The following GUCY1A2 variants were observed in gnomAD, a reference collection of about 807,000 sequenced individuals.
The protein encoded by GUCY1A2 is guanylate cyclase 1 soluble subunit alpha 2, also known as guanylate cyclase soluble subunit alpha-2.
A neutral mutation model predicts 63.5 loss-of-function variants in GUCY1A2; 27 were observed. That is an observed-to-expected ratio of 0.43 (90% CI 0.31 to 0.59). The LOEUF is 0.59. Among genes scored for constraint, GUCY1A2 ranks in the 20% least tolerant of loss-of-function variants. GUCY1A2 has a pLI of 0.11. For missense variants in GUCY1A2, 768 were observed against 913.3 expected, an observed-to-expected ratio of 0.84 and a Z score of 2.05; for synonymous variants, 364 against 343.5, an observed-to-expected ratio of 1.06 and a Z score of -0.66.
chr11:106,931,936 T>C (rs917188003), intron 4 of GUCY1A2, among the ~76,000 whole-genome samples: 2 of 152,132 alleles, frequency 1.3e-5, no homozygotes, highest in Non-Finnish European at 2.9e-5. Flanking sequence ...TAAAAATTAT[T>C]GCACTGTATA....
intron 4 of GUCY1A2, among the ~76,000 whole-genome samples, chr11:106,900,395 G>A (rs754746780): frequency 6.6e-6 from 1 of 152,052 alleles, no homozygotes; most frequent in East Asian, 1.9e-4. Flanking sequence ...CTTTGCCCAC[G>A]CTGGTCTCAA....
At chr11:106,769,435 T>G (rs1346522028) in intron 6 of GUCY1A2, among the ~76,000 whole-genome samples, 1 of 152,048 alleles carries the variant, frequency 6.6e-6, no homozygotes. Flanking sequence ...AGTTGGAAAA[T>G]AGATCTAAGG....
rs151338502 is a variant in GUCY1A2, at chr11:106,979,036, A to G, written c.366-296T>C. Among the ~76,000 whole-genome samples the G allele has an allele frequency of 1.7e-3, 260 of 152,346 alleles. 1 individual carries two copies. The highest frequency in any genetic ancestry group is 5.9e-3 in the African/African-American group (245 of 41,580). On this transcript the variant is annotated intron_variant, in intron 2 of 7. Coordinates refer to ENST00000526355, the MANE Select transcript of GUCY1A2 (RefSeq NM_000855.3). ...TGTATCACTCTGAGAGCACTTCATC[A>G]AGGCTAGTGATCTGTTTCTATAAGG...
At chr11:106,857,162 A>G (rs1859448051) in intron 4 of GUCY1A2, among the ~76,000 whole-genome samples, 1 of 152,202 alleles carries the variant, frequency 6.6e-6, no homozygotes, top group African/African-American at 2.4e-5. Context: ...TGTATGGCTT[A>G]AACAGCATTT....
intron 1 of GUCY1A2, among the ~76,000 whole-genome samples, chr11:107,016,748 G>A (rs1861829017): frequency 1.3e-5 from 2 of 152,032 alleles, no homozygotes; most frequent in African/African-American, 2.4e-5. Flanking sequence ...GAGAGAGAAA[G>A]CACTAGAGAA....
chr11:106,789,446 C>G (rs1229722671), intron 5 of GUCY1A2, among the ~76,000 whole-genome samples: 1 of 152,180 alleles, frequency 6.6e-6, no homozygotes, highest in Non-Finnish European at 1.5e-5. Flanking sequence ...AGTTCTCTGT[C>G]TGAAAGGTCA....
At chr11:106,989,589 G>A (rs1861445229) in intron 1 of GUCY1A2, among the ~76,000 whole-genome samples, 1 of 151,912 alleles carries the variant, frequency 6.6e-6, no homozygotes. Context: ...TCTAATGTAG[G>A]AACACAGACT....
rs971362867 is a variant in GUCY1A2, at chr11:106,674,292, CAAAT to C, written c.*13253_*13256del. The C allele has an allele frequency of 2.8e-5, 5 of 180,556 alleles. No homozygotes were observed. The highest frequency in any genetic ancestry group is 9.1e-5 in the East Asian group (1 of 11,016). The allele number at this position is 180,556 out of a possible 1,614,324, so 11.2% of individuals were successfully genotyped here. A position where few individuals can be genotyped will look rare whatever the true frequency, so the allele number is the denominator to read the frequency against. On this transcript the variant is annotated 3_prime_UTR_variant, in exon 8 of 8. Coordinates refer to ENST00000526355, the MANE Select transcript of GUCY1A2 (RefSeq NM_000855.3). ...CATTGTGAATGATTTCGAATAATAA[CAAAT>C]AAAAGAATGAGTAAAAAGTGGTGTT...
chr11:106,723,213 A>G (rs924650192), intron 6 of GUCY1A2, among the ~76,000 whole-genome samples: 1 of 152,146 alleles, frequency 6.6e-6, no homozygotes, highest in Non-Finnish European at 1.5e-5. Context: ...ATGTCTGCGT[A>G]TAAGTTGTTT....
At chr11:106,834,078 T>A (rs1859086553) in intron 4 of GUCY1A2, among the ~76,000 whole-genome samples, 1 of 152,022 alleles carries the variant, frequency 6.6e-6, no homozygotes, top group Admixed American at 6.6e-5. Flanking sequence ...GGCGAGAATA[T>A]TTAAGATCTA....
At chr11:106,695,784 A>G (rs1459786413) in intron 7 of GUCY1A2, among the ~76,000 whole-genome samples, 1 of 152,216 alleles carries the variant, frequency 6.6e-6, no homozygotes, top group African/African-American at 2.4e-5. Context: ...TGATGAAATA[A>G]AACAGAAAAA....
At chr11:106,785,357 C>T (rs1219331084) in intron 5 of GUCY1A2, among the ~76,000 whole-genome samples, 1 of 152,048 alleles carries the variant, frequency 6.6e-6, no homozygotes, top group Non-Finnish European at 1.5e-5. Context: ...TCAGGATTTT[C>T]AACTTTTCTT....
At chr11:106,711,558 T>G (rs1341792922) in intron 6 of GUCY1A2, among the ~76,000 whole-genome samples, 1 of 152,146 alleles carries the variant, frequency 6.6e-6, no homozygotes, top group African/African-American at 2.4e-5. Flanking sequence ...TCCTTCTTCA[T>G]GTCTTGGCAC....
intron 2 of GUCY1A2, among the ~76,000 whole-genome samples, chr11:106,982,827 G>T (rs1004708502): frequency 2.0e-5 from 3 of 152,176 alleles, no homozygotes; most frequent in African/African-American, 2.4e-5. Context: ...AAATTACAGA[G>T]GTAGGCAGAG....
rs922135155 is a variant in GUCY1A2, at chr11:106,858,342, T to C, written c.1207-47864A>G. ...ATCATCTTGAATGAGAAGCAATTTG[T>C]AAAGTTGAAAAGCTTTGGCTGTATA... On this transcript the variant is annotated intron_variant, in intron 4 of 7. Coordinates refer to ENST00000526355, the MANE Select transcript of GUCY1A2 (RefSeq NM_000855.3). Among the ~76,000 whole-genome samples the C allele has an allele frequency of 5.9e-5, 9 of 152,270 alleles. No homozygotes were observed. In the South Asian group the frequency reaches 1.9e-3, roughly 32 times the overall value.
chr11:106,797,236 G>A (rs534734186), intron 5 of GUCY1A2, among the ~76,000 whole-genome samples: 16 of 152,088 alleles, frequency 1.1e-4, no homozygotes, highest in East Asian at 1.9e-4. Context: ...CCTTTAGCTC[G>A]GAGAAGTTTG....
chr11:106,978,469 G>C (rs1388982762), intron 3 of GUCY1A2, 150 bp downstream of exon 3: 2 of 500,066 alleles, frequency 4.0e-6, no homozygotes, highest in Non-Finnish European at 6.9e-6. Context: ...AACATCTTCA[G>C]GAGAGTTAAC....
intron 3 of GUCY1A2, among the ~76,000 whole-genome samples, chr11:106,966,647 G>A (rs1478977911): frequency 3.9e-5 from 6 of 152,238 alleles, no homozygotes; most frequent in Admixed American, 3.3e-4. Flanking sequence ...ATATACAGAC[G>A]TCTGTGGATT....
rs1265137136 is a variant in GUCY1A2, at chr11:106,852,676, G to T, written c.1207-42198C>A. ...GGATTCCTATTTGATCACGGTAAATGATCATTTTGATGTGAAATCGGGTTT... is the reference window on the plus strand; with the variant it reads ...GGATTCCTATTTGATCACGGTAAATTATCATTTTGATGTGAAATCGGGTTT... On this transcript the variant is annotated intron_variant, in intron 4 of 7. Transcript: ENST00000526355. 2.0e-5 allele frequency among the ~76,000 whole-genome samples: 3 copies of T among 152,174 alleles called. No individual in the cohort carries two copies. The East Asian group carries it at 5.8e-4, about 29-fold the overall frequency.
Sources: allele counts gnomAD v4.1 joint callset (sites outside exome capture counted in the v4.1 genomes callset), GRCh38; gene constraint gnomAD v4.1.1; transcripts MANE v1.5; gene names NCBI Gene and HGNC (gene_info 2026-07-23, HGNC 2026-07-21).